The following NEDD4L variants were observed in gnomAD, a reference collection of about 807,000 sequenced individuals.
NEDD4L encodes the protein E3 ubiquitin-protein ligase NEDD4-like.
Under a neutral mutation model 148.9 loss-of-function variants are expected in NEDD4L, and 54 were observed. The observed-to-expected ratio is 0.36, with a 90% CI of 0.29 to 0.45. The LOEUF is 0.45. NEDD4L is among the 20% of genes least tolerant of loss of function. The pLI is 1.00. For synonymous variants in NEDD4L, 433 were observed against 440.7 expected (o/e 0.98, Z 0.22); for missense variants, 856 against 1,233.8 (o/e 0.69, Z 4.59).
chr18:58,182,242 T>G (rs535468431), intron 2 of NEDD4L, among the ~76,000 whole-genome samples: 1 of 151,920 alleles, frequency 6.6e-6, no homozygotes, highest in Non-Finnish European at 1.5e-5. Flanking sequence ...CAGAGGAAAA[T>G]GCGGGGCGGG....
intron 18 of NEDD4L, among the ~76,000 whole-genome samples, chr18:58,354,928 G>A (rs952675380): frequency 8.5e-5 from 13 of 152,312 alleles, no homozygotes; most frequent in African/African-American, 3.1e-4. Context: ...AGGATGCGTG[G>A]AGGTGTGTGA....
intron 5 of NEDD4L, among the ~76,000 whole-genome samples, chr18:58,267,154 A>T (rs2050332618): frequency 6.6e-6 from 1 of 152,060 alleles, no homozygotes; most frequent in Admixed American, 6.5e-5. Flanking sequence ...TTTTTCGCTC[A>T]TGAAAAACTC....
chr18:58,055,454 G>T (rs911499537), intron 1 of NEDD4L, among the ~76,000 whole-genome samples: 5 of 152,122 alleles, frequency 3.3e-5, no homozygotes, highest in African/African-American at 1.2e-4. Flanking sequence ...TAATATAAAA[G>T]TAAGTTTAAA....
intron 2 of NEDD4L, among the ~76,000 whole-genome samples, chr18:58,166,789 T>C (rs2036897981): frequency 6.6e-6 from 1 of 152,184 alleles, no homozygotes; most frequent in Non-Finnish European, 1.5e-5. Flanking sequence ...TTCCAGCCAC[T>C]GGATTCTCCC....
chr18:58,079,488 T>C (rs1035196971), intron 1 of NEDD4L, among the ~76,000 whole-genome samples: 16 of 152,224 alleles, frequency 1.1e-4, no homozygotes, highest in African/African-American at 3.9e-4. Context: ...CTTAGGTAAC[T>C]GCTATTATCC....
chr18:58,336,063 G>A (rs1234418786), intron 13 of NEDD4L: 2 of 152,764 alleles, frequency 1.3e-5, no homozygotes, highest in Non-Finnish European at 2.9e-5. Flanking sequence ...CTCACACAAT[G>A]AACAAGTTTC....
Position 58,096,558 on chromosome 18 carries a change from A to G in NEDD4L, c.48+51850A>G, listed in dbSNP as rs1359926200. ...AGCTGGGATTACAGGCATGCACCAC[A>G]ATGCCTGGCTAATTTTTGTATTTTT... is the stretch of plus-strand genomic sequence containing the variant. On this transcript the variant is annotated intron_variant, in intron 1 of 30. Coordinates refer to ENST00000400345, the MANE Select transcript of NEDD4L (RefSeq NM_001144967.3). Among the ~76,000 whole-genome samples, 3 of 151,690 alleles carry G rather than the reference A, an allele frequency of 2.0e-5. 1 individual carries two copies. Among genetic ancestry groups the G allele is most frequent in the Non-Finnish European group, 4.4e-5 (3 of 67,866 alleles).
Position 58,142,756 on chromosome 18 carries a change from A to G in NEDD4L, c.49-23032A>G, listed in dbSNP as rs2033687800. Among the ~76,000 whole-genome samples the G allele has an allele frequency of 2.6e-5, 4 of 152,250 alleles. No individual in the cohort carries two copies. In the South Asian group the frequency reaches 6.2e-4, roughly 24 times the overall value. ...GGCCCAGACTGTGAAGACTCTGGAAATGAGAATTTTGTTTCCTATCTCCTG... is the reference window on the plus strand; with the variant it reads ...GGCCCAGACTGTGAAGACTCTGGAAGTGAGAATTTTGTTTCCTATCTCCTG... On this transcript the variant is annotated intron_variant, in intron 1 of 30. Transcript: ENST00000400345.
intron 2 of NEDD4L, among the ~76,000 whole-genome samples, chr18:58,234,522 A>C (rs551377361): frequency 6.6e-6 from 1 of 151,864 alleles, no homozygotes; most frequent in South Asian, 2.1e-4. Flanking sequence ...AATCGTAGAG[A>C]TAGGGTCTCA....
intron 1 of NEDD4L, among the ~76,000 whole-genome samples, chr18:58,164,941 C>G (rs949895571): frequency 6.6e-6 from 1 of 152,244 alleles, no homozygotes; most frequent in Non-Finnish European, 1.5e-5. Flanking sequence ...ACACAGTGCT[C>G]TATTTCAATT....
At chr18:58,257,414 A>C (rs1327343115) in intron 5 of NEDD4L, among the ~76,000 whole-genome samples, 1 of 152,050 alleles carries the variant, frequency 6.6e-6, no homozygotes, top group Admixed American at 6.6e-5. Context: ...ACTATCCCAC[A>C]AGTGACACTG....
intron 5 of NEDD4L, among the ~76,000 whole-genome samples, chr18:58,298,996 G>A (rs995294285): frequency 1.3e-5 from 2 of 152,098 alleles, no homozygotes; most frequent in African/African-American, 2.4e-5. Context: ...CACATCCCTC[G>A]AATGTTTGCA....
intron 1 of NEDD4L, among the ~76,000 whole-genome samples, chr18:58,077,621 G>A (rs1281489959): frequency 1.3e-5 from 2 of 152,112 alleles, no homozygotes; most frequent in Non-Finnish European, 2.9e-5. Context: ...GAAGGATGGG[G>A]CAGGCCCAGG....
chr18:58,267,476 G>GT (rs1430454474), intron 5 of NEDD4L, among the ~76,000 whole-genome samples: 1 of 152,090 alleles, frequency 6.6e-6, no homozygotes, highest in Non-Finnish European at 1.5e-5. Flanking sequence ...CGGGAGCTGA[G>GT]AGGCCTTTGC....
intron 1 of NEDD4L, among the ~76,000 whole-genome samples, chr18:58,152,558 A>C (rs753213276): frequency 6.6e-5 from 10 of 152,238 alleles, no homozygotes; most frequent in Non-Finnish European, 1.0e-4. Flanking sequence ...AGCATCTTTC[A>C]TTCCGTGATA....
chr18:58,313,491 C>T (rs569632318), intron 5 of NEDD4L, among the ~76,000 whole-genome samples: 55 of 152,298 alleles, frequency 3.6e-4, no homozygotes, highest in African/African-American at 1.3e-3. Flanking sequence ...TCATCTACAC[C>T]GTTTAAAGCC....
intron 8 of NEDD4L, among the ~76,000 whole-genome samples, chr18:58,324,477 C>G (rs2059130606): frequency 1.3e-5 from 2 of 152,176 alleles, no homozygotes; most frequent in Admixed American, 6.5e-5. Flanking sequence ...GCCCACCTCC[C>G]TGGGGAGCAA....
intron 5 of NEDD4L, among the ~76,000 whole-genome samples, chr18:58,292,193 C>T (rs1256635329): frequency 3.3e-5 from 5 of 150,350 alleles, no homozygotes; most frequent in African/African-American, 1.2e-4. Flanking sequence ...GATTAAACCG[C>T]AAGTTCCCAC....
At chr18:58,323,750 G>A (rs560973113) in intron 8 of NEDD4L, among the ~76,000 whole-genome samples, 1 of 152,164 alleles carries the variant, frequency 6.6e-6, no homozygotes, top group African/African-American at 2.4e-5. Flanking sequence ...TTGGCCACAG[G>A]TGACAGCCTG....
Sources: allele counts gnomAD v4.1 joint callset (sites outside exome capture counted in the v4.1 genomes callset), GRCh38; gene constraint gnomAD v4.1.1; transcripts MANE v1.5; gene names NCBI Gene and HGNC (gene_info 2026-07-23, HGNC 2026-07-21).